GRIA3: variants seen among roughly 807,000 people sequenced by gnomAD.
GRIA3 encodes glutamate ionotropic receptor AMPA type subunit 3.
GRIA3 carries 3 observed loss-of-function variants against 63.0 expected under a neutral mutation model. The observed-to-expected ratio is 0.05, with a 90% CI of 0.02 to 0.12. The LOEUF (loss-of-function observed/expected upper bound fraction) is 0.12, where lower values mean the gene tolerates loss of function less well. Among genes scored for constraint, GRIA3 ranks in the 10% least tolerant of loss-of-function variants. The pLI, the probability that GRIA3 is intolerant of heterozygous loss-of-function variation, is 1.00. For synonymous variants in GRIA3, 274 were observed against 257.9 expected (o/e 1.06, Z -0.60); for missense variants, 347 against 700.9 (o/e 0.50, Z 5.70).
chrX:123,406,153 T>A (rs757083918), intron 10 of GRIA3, among the ~76,000 whole-genome samples: 1 of 112,556 alleles, frequency 8.9e-6, no homozygotes, highest in East Asian at 2.8e-4. Context: ...ATGAGGCACA[T>A]GTAAATAAGC....
At chrX:123,304,800 A>C (rs1403542916) in intron 3 of GRIA3, among the ~76,000 whole-genome samples, 2 of 112,264 alleles carry the variant, frequency 1.8e-5, no homozygotes, top group Non-Finnish European at 3.8e-5. Context: ...GTTTGAAATA[A>C]AGTCTGTATT....
chrX:123,294,057 A>AAT (rs1164519123), intron 3 of GRIA3, among the ~76,000 whole-genome samples: 16 of 109,298 alleles, frequency 1.5e-4, no homozygotes, highest in African/African-American at 5.3e-4. Flanking sequence ...CTTGCTAATA[A>AAT]AAAAAAAAAA....
chrX:123,254,063 C>T (rs1280986343), intron 3 of GRIA3, among the ~76,000 whole-genome samples: 2 of 112,006 alleles, frequency 1.8e-5, no homozygotes, highest in African/African-American at 6.5e-5. Flanking sequence ...TTCAGCTTAG[C>T]AGGCCTCAAC....
intron 3 of GRIA3, among the ~76,000 whole-genome samples, chrX:123,300,622 T>TTTTGTTTGTTTG (rs57768786): frequency 9.4e-6 from 1 of 106,657 alleles, no homozygotes; most frequent in Non-Finnish European, 1.9e-5. Flanking sequence ...TTTAATGGTT[T>TTTTGTTTGTTTG]TTTGTTTGTT....
chrX:123,404,623 T>C (rs1053259110), intron 9 of GRIA3, 85 bp from the exon 10 acceptor site: 1 of 678,416 alleles, frequency 1.5e-6, no homozygotes, highest in African/African-American at 2.2e-5. Context: ...ACCTCAATAG[T>C]CACAGAGGGG....
chrX:123,302,456 A>C (rs1379310989), intron 3 of GRIA3, among the ~76,000 whole-genome samples: 1 of 111,713 alleles, frequency 9.0e-6, no homozygotes, highest in Non-Finnish European at 1.9e-5. Flanking sequence ...TGGAAAGAGC[A>C]TAGGCTTTGG....
intron 12 of GRIA3, among the ~76,000 whole-genome samples, chrX:123,450,926 G>A (rs2045726591): frequency 8.9e-6 from 1 of 111,846 alleles, no homozygotes; most frequent in South Asian, 3.8e-4. Context: ...CATTCCAGAT[G>A]GAATAGCGTT....
rs142475505 is a variant in GRIA3 at position 123,319,646 on chromosome X, G to A, written c.509-6380G>A. Among the ~76,000 whole-genome samples the A allele has an allele frequency of 2.2e-4, 24 of 111,106 alleles. No homozygotes were observed. The East Asian group carries it at 6.3e-3, about 29-fold the overall frequency. On this transcript the variant is annotated intron_variant, in intron 3 of 15. Transcript: ENST00000620443. ...TTGCTTCCCACATACTGTACTCAAG[G>A]TTTCCAGATTCTTCATCTACCACAG...
chrX:123,291,152 G>A (rs781658965), intron 3 of GRIA3, among the ~76,000 whole-genome samples: 1 of 111,418 alleles, frequency 9.0e-6, no homozygotes, highest in Non-Finnish European at 1.9e-5. Context: ...CTGAAACTGG[G>A]CACACTGGCA....
intron 3 of GRIA3, among the ~76,000 whole-genome samples, chrX:123,280,242 T>C (rs2044578082): frequency 8.9e-6 from 1 of 112,066 alleles, no homozygotes; most frequent in South Asian, 3.7e-4. Flanking sequence ...AAAGACACCC[T>C]AAGGTTTTAG....
At chrX:123,487,936 G>A (rs757101591) in intron 15 of GRIA3, among the ~76,000 whole-genome samples, 14 of 111,849 alleles carry the variant, frequency 1.3e-4, no homozygotes, top group Non-Finnish European at 2.4e-4. Flanking sequence ...GATAAAATTC[G>A]GTGTTAGCTT....
intron 1 of GRIA3, chrX:123,184,982 C>G (rs774131842): frequency 8.0e-6 from 3 of 373,173 alleles, no homozygotes; most frequent in Non-Finnish European, 1.5e-5. Flanking sequence ...CGGCTCGCTG[C>G]TCTGGACTTT....
intron 4 of GRIA3, among the ~76,000 whole-genome samples, chrX:123,350,084 A>AATGTG (rs1261053700): frequency 4.5e-5 from 5 of 111,702 alleles, no homozygotes; most frequent in African/African-American, 1.6e-4. Context: ...GAACATAAAG[A>AATGTG]ATGTGGTCTA....
intron 2 of GRIA3, among the ~76,000 whole-genome samples, chrX:123,197,145 G>A (rs1927594822): frequency 8.9e-6 from 1 of 111,813 alleles, no homozygotes; most frequent in African/African-American, 3.3e-5. Context: ...GGATGACCTT[G>A]GATAAATCAC....
chrX:123,290,488 C>T (rs1387515284), intron 3 of GRIA3, among the ~76,000 whole-genome samples: 1 of 110,090 alleles, frequency 9.1e-6, no homozygotes, highest in East Asian at 2.9e-4. Context: ...CAGATGAGTC[C>T]TCTATATGGG....
intron 4 of GRIA3, among the ~76,000 whole-genome samples, chrX:123,342,927 T>A (rs1250663578): frequency 9.0e-6 from 1 of 111,283 alleles, no homozygotes; most frequent in Non-Finnish European, 1.9e-5. Flanking sequence ...CATCCCACAA[T>A]AGTAGTGACA....
At chrX:123,406,930 C>A (rs2045477373) in intron 10 of GRIA3, among the ~76,000 whole-genome samples, 1 of 111,688 alleles carries the variant, frequency 9.0e-6, no homozygotes, top group East Asian at 2.8e-4. Flanking sequence ...TTCCTCATCT[C>A]CCCAACACTT....
At chrX:123,299,736 A>T (rs1171942310) in intron 3 of GRIA3, among the ~76,000 whole-genome samples, 1 of 110,922 alleles carries the variant, frequency 9.0e-6, no homozygotes, top group Non-Finnish European at 1.9e-5. Flanking sequence ...CTCTTGCCTG[A>T]TTGCCCTGGC....
intron 5 of GRIA3, among the ~76,000 whole-genome samples, chrX:123,379,620 G>GTTTTTTTTTTTTTTTTTTTTGAAATTT (rs369507360): frequency 1.5e-5 from 1 of 68,015 alleles, no homozygotes; most frequent in Non-Finnish European, 2.7e-5. Flanking sequence ...CTAGCAACTT[G>GTTTTTTTTTTTTTTTTTTTTGAAATTT]TTTTTTTTTT....
Sources: allele counts gnomAD v4.1 joint callset (sites outside exome capture counted in the v4.1 genomes callset), GRCh38; gene constraint gnomAD v4.1.1; transcripts MANE v1.5; gene names NCBI Gene and HGNC (gene_info 2026-07-23, HGNC 2026-07-21).